The following TNRC18 variants were observed in gnomAD, a reference collection of about 807,000 sequenced individuals.
TNRC18 encodes the protein trinucleotide repeat containing 18, also known as trinucleotide repeat-containing gene 18 protein.
A neutral mutation model predicts 226.7 loss-of-function variants in TNRC18; 69 were observed. That is an observed-to-expected ratio of 0.30 (90% CI 0.25 to 0.37). TNRC18 has a LOEUF of 0.37. TNRC18 is among the 10% of genes least tolerant of loss of function. TNRC18 has a pLI of 1.00. For synonymous variants in TNRC18, 2,449 were observed against 1,927.6 expected, an observed-to-expected ratio of 1.27 and a Z score of -7.09; for missense variants, 4,754 against 4,256.6, an observed-to-expected ratio of 1.12 and a Z score of -3.25.
intron 19 of TNRC18, among the ~76,000 whole-genome samples, chr7:5,332,209 G>A (rs1789594350): frequency 6.6e-6 from 1 of 152,186 alleles, no homozygotes; most frequent in Admixed American, 6.5e-5. Flanking sequence ...GGTTGGGGCA[G>A]AAGAATCACT....
intron 11 of TNRC18, among the ~76,000 whole-genome samples, chr7:5,364,492 C>G: frequency 6.9e-6 from 1 of 144,148 alleles, no homozygotes; most frequent in South Asian, 2.1e-4. Flanking sequence ...CACACACACA[C>G]ACACACACAC....
chr7:5,390,221 T>C (rs1417014793), intron 4 of TNRC18: 28 of 520,906 alleles, frequency 5.4e-5, no homozygotes, highest in Non-Finnish European at 7.1e-5. Flanking sequence ...AAAAGTCAGC[T>C]GGCTGTGGTG....
At chr7:5,366,410 T>A (rs1793633389) in intron 11 of TNRC18, among the ~76,000 whole-genome samples, 1 of 129,446 alleles carries the variant, frequency 7.7e-6, no homozygotes, top group African/African-American at 3.0e-5. Context: ...TCATGCAACC[T>A]TCGCCTCCTG....
chr7:5,369,253 T>TA (rs947266860), intron 11 of TNRC18, among the ~76,000 whole-genome samples: 1 of 151,658 alleles, frequency 6.6e-6, no homozygotes, highest in Admixed American at 6.6e-5. Flanking sequence ...GAGGCTGAAG[T>TA]AGGAGAATCA....
In TNRC18 at chr7:5,312,735, T is replaced by G. The variant is rs757625621; in HGVS notation, c.8156A>C (p.Lys2719Thr). The G allele has an allele frequency of 1.3e-6, 2 of 1,547,854 alleles. No homozygotes were observed. Among genetic ancestry groups the G allele is most frequent in the Non-Finnish European group, 1.7e-6 (2 of 1,152,848 alleles). ...KARPSAHSPG[K>T]KTPAPQPQAP... ...CTGGGGCTGGGGCGCGGGCGTCTTC[T>G]TGCCTGGGGAGTGGGCCGAGGGCCG... is the stretch of plus-strand genomic sequence containing the variant. Residue 2719 changes from lysine (K) to threonine (T), a missense_variant, in exon 27 of 30, where the codon AAG becomes ACG. By Grantham distance (78) the Lys-to-Thr change is moderately conservative. Coordinates refer to ENST00000430969, the MANE Select transcript of TNRC18 (RefSeq NM_001080495.3). The surrounding 1 kb of genome is among the most constrained non-coding windows in gnomAD (Gnocchi z 6.3).
chr7:5,320,790 C>A lies in TNRC18; in HGVS notation c.6561-183G>T, dbSNP rs1371068343. On this transcript the variant is annotated intron_variant, in intron 22 of 29. Coordinates refer to ENST00000430969, the MANE Select transcript of TNRC18 (RefSeq NM_001080495.3). Reference sequence around the variant, plus strand: ...GGGTTCATTTTCCTCATCTGTAGGACTAGGGGTTGCAAGGCACAGTCCAGA... The same window carrying A: ...GGGTTCATTTTCCTCATCTGTAGGAATAGGGGTTGCAAGGCACAGTCCAGA... The A allele has an allele frequency of 3.2e-5, 20 of 634,778 alleles. No individual in the cohort carries two copies. The Admixed American group carries it at 4.5e-4, about 14-fold the overall frequency. 39.3% of individuals were successfully genotyped at this position (634,778 alleles called of 1,614,324 possible). A position where few individuals can be genotyped will look rare whatever the true frequency, so the allele number is the denominator to read the frequency against.
At position 5,383,957 on chromosome 7, in the gene TNRC18, A is replaced by ATTTTTTT. The variant is rs765430615; in HGVS notation, c.2152+3708_2152+3714dup. 2.3e-4 allele frequency among the ~76,000 whole-genome samples: 18 copies of ATTTTTTT among 78,802 alleles called. 1 individual carries two copies. The highest frequency in any genetic ancestry group is 8.9e-4 in the East Asian group (2 of 2,248). The allele number at this position is 78,802 out of a possible 152,430, so 51.7% of individuals were successfully genotyped here. A position where few individuals can be genotyped will look rare whatever the true frequency, so the allele number is the denominator to read the frequency against. Reference sequence around the variant, plus strand: ...ACAGGCACACCAGCATACCCGGGTGATTTTTTTTTTTTTTTTTTTTTTTTT... The same window carrying ATTTTTTT: ...ACAGGCACACCAGCATACCCGGGTGATTTTTTTTTTTTTTTTTTTTTTTTTTTTTTTT... On this transcript the variant is annotated intron_variant, in intron 5 of 29. Coordinates refer to ENST00000430969, the MANE Select transcript of TNRC18 (RefSeq NM_001080495.3).
At chr7:5,364,906 C>G (rs1793464345) in intron 11 of TNRC18, among the ~76,000 whole-genome samples, 2 of 151,260 alleles carry the variant, frequency 1.3e-5, no homozygotes, top group Non-Finnish European at 2.9e-5. Context: ...AAGCAAACAT[C>G]TACCTCCTCA....
At chr7:5,356,574 G>C (rs1792411228) in intron 16 of TNRC18, among the ~76,000 whole-genome samples, 1 of 152,228 alleles carries the variant, frequency 6.6e-6, no homozygotes, top group Non-Finnish European at 1.5e-5. Flanking sequence ...ACTCTATGAC[G>C]CACAAGGCTT....
In TNRC18 at chr7:5,315,109, T is replaced by C; in HGVS notation, c.6902A>G (p.Lys2301Arg). The C allele has an allele frequency of 6.2e-7, 1 of 1,613,022 alleles. No homozygotes were observed. The highest frequency in any genetic ancestry group is 1.3e-5 in the African/African-American group (1 of 75,038). ...TTTGCTGGTCTTCCGGCTGCGGCGC[T>C]TGGCACTTGGCACCAGAAGGGCCGG... ...PSPALLVPSA[K>R]RRSRKTSKDT... The change falls in exon 26 of 30, where the codon AAG (lysine) becomes AGG (arginine). Residue 2301 changes from lysine to arginine, a missense_variant. Physicochemically the swap from Lys to Arg is conservative, Grantham distance 26. Transcript: ENST00000430969.
chr7:5,315,862 G>T, intron 25 of TNRC18, 94 bp downstream of exon 25: 1 of 912,522 alleles, frequency 1.1e-6, no homozygotes, highest in Non-Finnish European at 1.6e-6. Flanking sequence ...GGCTCCAAAT[G>T]ACTTCAGACA....
At chr7:5,420,179 G>A (rs936306572) in intron 2 of TNRC18, 3 of 339,590 alleles carry the variant, frequency 8.8e-6, no homozygotes, top group African/African-American at 2.2e-5. Context: ...GCGCCCGCCC[G>A]GGTACCGTCC....
chr7:5,332,897 G>A lies in TNRC18; in HGVS notation c.5872C>T (p.Pro1958Ser). 1 of 1,533,284 alleles carries A rather than the reference G, an allele frequency of 6.5e-7. No homozygotes were observed. The highest frequency in any genetic ancestry group is 1.2e-5 in the South Asian group (1 of 83,742). The allele number at this position is 1,533,284 out of a possible 1,614,324, so 95.0% of individuals were successfully genotyped here. Residue 1958 changes from proline to serine, a missense_variant, in exon 19 of 30, where the codon CCA becomes TCA. By Grantham distance (74) the Pro-to-Ser change is moderately conservative. Transcript: ENST00000430969. ...TCCACCGCCAGCTTGGCCTTGTCTG[G>A]GCTGCTGGGGTCGGGACCGCGGGCG... ...PGARGPDPSSPDKAKLAVEKG... is the reference protein window; with the variant it reads ...PGARGPDPSSSDKAKLAVEKG...
chr7:5,422,176 G>A (rs548826837), intron 1 of TNRC18, among the ~76,000 whole-genome samples: 2 of 152,208 alleles, frequency 1.3e-5, no homozygotes, highest in Non-Finnish European at 1.5e-5. Context: ...CTCGCCTAAG[G>A]ACTGGAAAGA....
chr7:5,423,716 C>A lies in TNRC18; in HGVS notation c.-519G>T, dbSNP rs1462595330. Among the ~76,000 whole-genome samples the A allele has an allele frequency of 1.3e-5, 2 of 152,164 alleles. No homozygotes were observed. The highest frequency in any genetic ancestry group is 3.9e-4 in the East Asian group (2 of 5,168). ...GCCAGCTTTCCTCCCGCCGAGCTCC[C>A]CGCTTTTTAATAAAATCCAGGTAGC... On this transcript the variant is annotated 5_prime_UTR_variant, in exon 1 of 30. Coordinates refer to ENST00000430969, the MANE Select transcript of TNRC18 (RefSeq NM_001080495.3).
intron 2 of TNRC18, among the ~76,000 whole-genome samples, chr7:5,419,378 G>C (rs970963658): frequency 4.6e-5 from 7 of 152,188 alleles, no homozygotes; most frequent in African/African-American, 1.7e-4. Context: ...GCCAGCCAGA[G>C]AGACCCGGGT....
intron 5 of TNRC18, among the ~76,000 whole-genome samples, chr7:5,386,592 A>C (rs1779807228): frequency 6.6e-6 from 1 of 151,654 alleles, no homozygotes; most frequent in Non-Finnish European, 1.5e-5. Context: ...AAAAAAGAAA[A>C]AGAAAAAATT....
intron 2 of TNRC18, among the ~76,000 whole-genome samples, chr7:5,397,217 G>T (rs372749151): frequency 2.7e-4 from 41 of 152,300 alleles, no homozygotes; most frequent in East Asian, 1.4e-3. Flanking sequence ...TCCAAGCCCT[G>T]CTGAGCCCCG....
At chr7:5,390,401 G>T in intron 4 of TNRC18, 84 bp downstream of exon 4, 23 of 1,479,130 alleles carry the variant, frequency 1.6e-5, no homozygotes, top group Non-Finnish European at 2.0e-5. Context: ...GGACAGAGCT[G>T]GGGGCTACCT....
Sources: gnomAD v4.1 joint callset for allele counts (sites outside exome capture counted in the v4.1 genomes callset) on GRCh38, gnomAD v4.1.1 for gene constraint, Gnocchi (gnomAD v3.1) non-coding constraint, MANE v1.5 for transcripts, NCBI Gene and HGNC (gene_info 2026-07-23, HGNC 2026-07-21) for gene names.